Variants in CCDC6 observed in about 807,000 individuals in gnomAD.
CCDC6 encodes coiled-coil domain containing 6.
In CCDC6, 20 loss-of-function variants were observed where a neutral mutation model predicts 56.6. That is an observed-to-expected ratio of 0.35 (90% CI 0.25 to 0.51). The LOEUF (loss-of-function observed/expected upper bound fraction) is 0.51. Ranked by LOEUF, CCDC6 falls within the 20% of genes least tolerant of loss-of-function variation. The pLI is 0.95. For missense variants in CCDC6, 367 were observed against 601.1 expected, an observed-to-expected ratio of 0.61 and a Z score of 4.07; for synonymous variants, 241 against 234.4, an observed-to-expected ratio of 1.03 and a Z score of -0.26.
intron 5 of CCDC6, among the ~76,000 whole-genome samples, chr10:59,807,812 A>C (rs1258922616): frequency 2.0e-5 from 3 of 151,930 alleles, no homozygotes; most frequent in Admixed American, 6.6e-5. Flanking sequence ...CTGCCTCTCA[A>C]CTCCAGACAC....
At chr10:59,891,059 A>T (rs979887732) in intron 1 of CCDC6, among the ~76,000 whole-genome samples, 5 of 152,196 alleles carry the variant, frequency 3.3e-5, no homozygotes, top group Admixed American at 6.5e-5. Flanking sequence ...CTATCAAATA[A>T]AACACAGGAG....
intron 1 of CCDC6, among the ~76,000 whole-genome samples, chr10:59,870,533 C>G (rs2071219310): frequency 6.6e-6 from 1 of 151,982 alleles, no homozygotes; most frequent in Non-Finnish European, 1.5e-5. Flanking sequence ...GTGAGTGACC[C>G]CCAGCATTAA....
chr10:59,874,783 G>T (rs2071264192), intron 1 of CCDC6, among the ~76,000 whole-genome samples: 1 of 152,158 alleles, frequency 6.6e-6, no homozygotes, highest in Admixed American at 6.5e-5. Context: ...CCATTGCTGG[G>T]TTTGAGGATG....
At chr10:59,864,948 C>T (rs2071164429) in intron 1 of CCDC6, among the ~76,000 whole-genome samples, 1 of 152,174 alleles carries the variant, frequency 6.6e-6, no homozygotes, top group South Asian at 2.1e-4. Context: ...TATCGGTGTT[C>T]TGTGTTTGTG....
At chr10:59,843,621 G>A (rs530557400) in intron 2 of CCDC6, among the ~76,000 whole-genome samples, 1 of 152,286 alleles carries the variant, frequency 6.6e-6, no homozygotes, top group East Asian at 1.9e-4. Flanking sequence ...ATATCTTCAT[G>A]TGCATGGATC....
intron 2 of CCDC6, 131 bp downstream of exon 2, chr10:59,852,422 T>C (rs747970950): frequency 3.8e-4 from 264 of 689,382 alleles, no homozygotes; most frequent in Non-Finnish European, 5.6e-4. Context: ...TTACCTGGTA[T>C]TTTGAATCTC....
At chr10:59,795,250 C>T (rs969475424) in intron 7 of CCDC6, among the ~76,000 whole-genome samples, 1 of 151,956 alleles carries the variant, frequency 6.6e-6, no homozygotes, top group African/African-American at 2.4e-5. Context: ...ATAAGTAACT[C>T]CTATGACTCA....
chr10:59,817,664 ACT>A (rs1414635032), intron 3 of CCDC6, among the ~76,000 whole-genome samples: 1 of 152,190 alleles, frequency 6.6e-6, no homozygotes, highest in Non-Finnish European at 1.5e-5. Flanking sequence ...TAGAGTAAAT[ACT>A]CATAATACTA....
chr10:59,864,830 C>T (rs570276700), intron 1 of CCDC6, among the ~76,000 whole-genome samples: 63 of 152,200 alleles, frequency 4.1e-4, no homozygotes, highest in South Asian at 6.2e-4. Flanking sequence ...CAGATGTATG[C>T]ATGATATATA....
chr10:59,813,510 C>T (rs2070689519), intron 4 of CCDC6, among the ~76,000 whole-genome samples: 1 of 152,182 alleles, frequency 6.6e-6, no homozygotes, highest in Admixed American at 6.5e-5. Flanking sequence ...ACATGTAAAA[C>T]CTCCAACTGC....
intron 1 of CCDC6, among the ~76,000 whole-genome samples, chr10:59,891,038 A>G (rs963001081): frequency 6.6e-6 from 1 of 152,200 alleles, no homozygotes; most frequent in South Asian, 2.1e-4. Context: ...CAGGTCCTCT[A>G]GGTTTTAGGA....
At chr10:59,814,599 AACACACACAC>A (rs111613433) in intron 4 of CCDC6, 43 bp downstream of exon 4, 8 of 927,196 alleles carry the variant, frequency 8.6e-6, no homozygotes, top group African/African-American at 1.6e-5. Context: ...CCAGAGCAGC[AACACACACAC>A]ACACACACAC....
intron 2 of CCDC6, among the ~76,000 whole-genome samples, chr10:59,848,902 A>G (rs1234030625): frequency 6.6e-6 from 1 of 151,950 alleles, no homozygotes; most frequent in Non-Finnish European, 1.5e-5. Context: ...TTTAGTAGAA[A>G]TGGGGTCTCG....
rs2071333810 is a variant in CCDC6 at position 59,881,391 on chromosome 10, C to A, written c.303+24731G>T. On this transcript the variant is annotated intron_variant, in intron 1 of 8. Coordinates refer to ENST00000263102, the MANE Select transcript of CCDC6 (RefSeq NM_005436.5). ...AGAAAAAAAGAAACTGTTGGGGCTT[C>A]ACATGGGGGAAATTCCACCTTCTTT... is the stretch of plus-strand genomic sequence containing the variant. Among the ~76,000 whole-genome samples, 6 of 152,072 alleles carry A rather than the reference C, an allele frequency of 3.9e-5. 1 individual carries two copies. The South Asian group carries it at 1.2e-3, about 32-fold the overall frequency.
At chr10:59,844,020 T>C (rs1042910903) in intron 2 of CCDC6, among the ~76,000 whole-genome samples, 1 of 152,168 alleles carries the variant, frequency 6.6e-6, no homozygotes, top group Non-Finnish European at 1.5e-5. Flanking sequence ...CTTGGGTGCT[T>C]CGTTCCCACC....
intron 1 of CCDC6, among the ~76,000 whole-genome samples, chr10:59,858,479 G>C (rs2071097434): frequency 6.6e-6 from 1 of 152,188 alleles, no homozygotes; most frequent in Non-Finnish European, 1.5e-5. Flanking sequence ...GGACTGCAGA[G>C]CAAGAGAGAA....
At chr10:59,825,254 C>T (rs2070778496) in intron 3 of CCDC6, among the ~76,000 whole-genome samples, 1 of 152,162 alleles carries the variant, frequency 6.6e-6, no homozygotes, top group Admixed American at 6.5e-5. Context: ...GCAGTTTCCC[C>T]CATAGCGTTC....
chr10:59,877,454 G>T (rs1319782889), intron 1 of CCDC6, among the ~76,000 whole-genome samples: 4 of 152,168 alleles, frequency 2.6e-5, no homozygotes, highest in Admixed American at 2.0e-4. Flanking sequence ...CAGAAAGTCA[G>T]GTTCTCTTTG....
intron 7 of CCDC6, among the ~76,000 whole-genome samples, chr10:59,800,478 A>C (rs2132624142): frequency 6.6e-6 from 1 of 152,360 alleles, no homozygotes; most frequent in Admixed American, 6.5e-5. Context: ...TCTAAGTGTC[A>C]ATAGTTAATC....
Sources: allele counts gnomAD v4.1 joint callset (sites outside exome capture counted in the v4.1 genomes callset), GRCh38; gene constraint gnomAD v4.1.1; transcripts MANE v1.5; gene names NCBI Gene and HGNC (gene_info 2026-07-23, HGNC 2026-07-21).